Variants in ANKS1B observed in about 807,000 individuals in gnomAD.
ANKS1B encodes the protein ankyrin repeat and sterile alpha motif domain containing 1B, also known as ankyrin repeat and sterile alpha motif domain-containing protein 1B.
ANKS1B carries 36 observed loss-of-function variants against 148.3 expected under a neutral mutation model. The ratio of observed to expected loss-of-function variants is 0.24; its 90% confidence interval spans 0.19 to 0.32. The LOEUF (loss-of-function observed/expected upper bound fraction) is 0.32. ANKS1B is among the 10% of genes least tolerant of loss of function. The pLI is 1.00. For missense variants in ANKS1B, 1,157 were observed against 1,542.6 expected (o/e 0.75, Z 4.19); for synonymous variants, 542 against 560.8 (o/e 0.97, Z 0.47).
At chr12:99,646,558 G>A (rs2098367631) in intron 9 of ANKS1B, among the ~76,000 whole-genome samples, 1 of 149,032 alleles carries the variant, frequency 6.7e-6, no homozygotes, top group Non-Finnish European at 1.5e-5. Flanking sequence ...GAAAGCTGAT[G>A]CAGGAGAATC....
chr12:99,080,390 G>T (rs1418176750), intron 16 of ANKS1B, among the ~76,000 whole-genome samples: 1 of 152,222 alleles, frequency 6.6e-6, no homozygotes, highest in African/African-American at 2.4e-5. Flanking sequence ...TGAGGGATTA[G>T]TGGAGCAAAG....
intron 12 of ANKS1B, among the ~76,000 whole-genome samples, chr12:99,263,648 T>A (rs1207243884): frequency 6.6e-6 from 1 of 152,120 alleles, no homozygotes; most frequent in African/African-American, 2.4e-5. Context: ...GATTGGATCA[T>A]GGGGGTGGTT....
At chr12:99,692,392 C>T (rs938431226) in intron 8 of ANKS1B, among the ~76,000 whole-genome samples, 2 of 151,826 alleles carry the variant, frequency 1.3e-5, no homozygotes, top group African/African-American at 2.4e-5. Context: ...GAGATGAGGC[C>T]CAGCGCAGTG....
At chr12:98,879,694 T>A (rs2099701629) in intron 17 of ANKS1B, among the ~76,000 whole-genome samples, 1 of 152,148 alleles carries the variant, frequency 6.6e-6, no homozygotes, top group Non-Finnish European at 1.5e-5. Context: ...GCAAGTCTTC[T>A]GAGACAAAGT....
chr12:99,954,896 T>C (rs932015169), intron 1 of ANKS1B, among the ~76,000 whole-genome samples: 9 of 152,188 alleles, frequency 5.9e-5, no homozygotes, highest in African/African-American at 1.7e-4. Context: ...CTAAGACCTA[T>C]AAATAGGTCA....
chr12:99,388,723 G>C (rs1452153315), intron 12 of ANKS1B, among the ~76,000 whole-genome samples: 2 of 152,088 alleles, frequency 1.3e-5, no homozygotes, highest in African/African-American at 4.8e-5. Flanking sequence ...TGAGGGCCAG[G>C]GTCCTTTTCT....
chr12:99,245,967 T>C (rs2073822862), intron 13 of ANKS1B, among the ~76,000 whole-genome samples: 1 of 152,186 alleles, frequency 6.6e-6, no homozygotes, highest in South Asian at 2.1e-4. Context: ...TTTTCTCGAT[T>C]TGTCAGCTGC....
At chr12:99,510,458 G>T (rs190689516) in intron 9 of ANKS1B, among the ~76,000 whole-genome samples, 2 of 152,074 alleles carry the variant, frequency 1.3e-5, no homozygotes, top group African/African-American at 2.4e-5. Context: ...GACTTTGATA[G>T]GTTTGACTTT....
At chr12:98,890,509 T>C (rs1286029612) in intron 17 of ANKS1B, among the ~76,000 whole-genome samples, 1 of 152,180 alleles carries the variant, frequency 6.6e-6, no homozygotes, top group East Asian at 1.9e-4. Flanking sequence ...ACTGGCTTAT[T>C]TTTACAGTTA....
chr12:99,703,117 T>G (rs148338677), intron 8 of ANKS1B, among the ~76,000 whole-genome samples: 261 of 152,272 alleles, frequency 1.7e-3, no homozygotes, highest in Middle Eastern at 6.8e-3. Context: ...TAAAGTTTCT[T>G]TGGCCATTAA....
intron 17 of ANKS1B, among the ~76,000 whole-genome samples, chr12:98,988,705 T>A (rs1251719919): frequency 6.6e-6 from 1 of 152,196 alleles, no homozygotes; most frequent in Non-Finnish European, 1.5e-5. Context: ...TGTATTAATT[T>A]ACATTCTCTC....
chr12:99,252,201 T>C (rs1047931725), intron 12 of ANKS1B, among the ~76,000 whole-genome samples: 4 of 152,156 alleles, frequency 2.6e-5, no homozygotes, highest in Non-Finnish European at 4.4e-5. Flanking sequence ...AAAGAAGATA[T>C]GAAAAGTCCC....
At chr12:99,778,096 A>G (rs1601936367) in intron 6 of ANKS1B, among the ~76,000 whole-genome samples, 2 of 151,866 alleles carry the variant, frequency 1.3e-5, no homozygotes, top group African/African-American at 4.8e-5. Flanking sequence ...GCTACTCGGG[A>G]GGCTGAGGCA....
At position 99,443,806 on chromosome 12, in the gene ANKS1B, T is replaced by C. The variant is rs2095588704; in HGVS notation, c.1442A>G (p.Asn481Ser). The part of the protein sequence containing the change: ...IARAPSPRTD[N>S]ASEVAVTTPG... The stretch of plus-strand genomic sequence containing the variant: ...AGTAGTAACTGCTACCTCAGAGGCA[T>C]TATCTGTGAATAAAAATAGAACTGC... Residue 481 changes from asparagine to serine, a missense_variant, in exon 11 of 27, where the codon AAT becomes AGT. Physicochemically the swap from Asn to Ser is conservative, Grantham distance 46. This residue lies in a region of ANKS1B where 661 missense variants were observed against 642.1 expected (regional missense o/e 1.03). Coordinates refer to ENST00000683438, the MANE Select transcript of ANKS1B (RefSeq NM_001352186.2). 2 of 1,609,452 alleles carry C rather than the reference T, an allele frequency of 1.2e-6. No homozygotes were observed. The highest frequency in any genetic ancestry group is 1.7e-6 in the Non-Finnish European group (2 of 1,177,622).
intron 1 of ANKS1B, among the ~76,000 whole-genome samples, chr12:99,928,379 C>T (rs938376178): frequency 1.3e-5 from 2 of 150,298 alleles, no homozygotes; most frequent in Non-Finnish European, 3.0e-5. Flanking sequence ...CCCGGGTTCA[C>T]GCCATTCTCC....
At chr12:99,292,184 C>A (rs1224787382) in intron 12 of ANKS1B, among the ~76,000 whole-genome samples, 1 of 151,892 alleles carries the variant, frequency 6.6e-6, no homozygotes. Flanking sequence ...AGAGCTTCTG[C>A]ACGGCAAAAG....
At chr12:99,073,329 C>T (rs2046844820) in intron 16 of ANKS1B, among the ~76,000 whole-genome samples, 1 of 152,168 alleles carries the variant, frequency 6.6e-6, no homozygotes, top group Non-Finnish European at 1.5e-5. Flanking sequence ...AGATTAATCC[C>T]ATAAAAATGT....
chr12:99,413,548 T>C (rs2094791448), intron 11 of ANKS1B, among the ~76,000 whole-genome samples: 1 of 152,126 alleles, frequency 6.6e-6, no homozygotes, highest in East Asian at 1.9e-4. Flanking sequence ...AAAACGCAAG[T>C]GGGTGGAAAA....
intron 8 of ANKS1B, among the ~76,000 whole-genome samples, chr12:99,724,290 C>A (rs988821581): frequency 1.3e-5 from 2 of 151,956 alleles, no homozygotes; most frequent in African/African-American, 4.8e-5. Flanking sequence ...ACTAGAATAA[C>A]CAGTTTAGAG....
Sources: allele counts gnomAD v4.1 joint callset (sites outside exome capture counted in the v4.1 genomes callset), GRCh38; gene constraint gnomAD v4.1.1; regional missense constraint gnomAD v4.1.1; transcripts MANE v1.5; gene names NCBI Gene and HGNC (gene_info 2026-07-23, HGNC 2026-07-21).